CDH4: variants seen among roughly 807,000 people sequenced by gnomAD.
The protein encoded by CDH4 is cadherin-4.
A neutral mutation model predicts 86.0 loss-of-function variants in CDH4; 33 were observed. The observed-to-expected ratio is 0.38, with a 90% CI of 0.29 to 0.51. The LOEUF is 0.51. Ranked by LOEUF, CDH4 falls within the 20% of genes least tolerant of loss-of-function variation. The pLI, the probability that CDH4 is intolerant of heterozygous loss-of-function variation, is 0.86. For synonymous variants in CDH4, 555 were observed against 549.4 expected, an observed-to-expected ratio of 1.01 and a Z score of -0.14; for missense variants, 1,114 against 1,307.4, an observed-to-expected ratio of 0.85 and a Z score of 2.28.
chr20:61,445,289 C>G (rs932191239), intron 2 of CDH4, among the ~76,000 whole-genome samples: 4 of 152,128 alleles, frequency 2.6e-5, no homozygotes, highest in Non-Finnish European at 5.9e-5. Flanking sequence ...AGGCAGGGCC[C>G]CGGCCATCCC....
At chr20:61,603,518 G>GGCCAGGTGTGCCCT (rs2086619298) in intron 2 of CDH4, among the ~76,000 whole-genome samples, 1 of 152,208 alleles carries the variant, frequency 6.6e-6, no homozygotes, top group Non-Finnish European at 1.5e-5. Flanking sequence ...AGGCTGTGGA[G>GGCCAGGTGTGCCCT]GCCAGGTGTG....
At chr20:61,868,635 A>G (rs570219116) in intron 6 of CDH4, among the ~76,000 whole-genome samples, 1 of 152,016 alleles carries the variant, frequency 6.6e-6, no homozygotes, top group Admixed American at 6.6e-5. Flanking sequence ...GTGTCCCTCC[A>G]TGCTAAGCGG....
At chr20:61,463,506 A>T (rs2085456443) in intron 2 of CDH4, among the ~76,000 whole-genome samples, 1 of 152,206 alleles carries the variant, frequency 6.6e-6, no homozygotes, top group South Asian at 2.1e-4. Context: ...GGGAATCAGG[A>T]TCTGTCCACA....
chr20:61,492,325 TTGA>T (rs1433426677), intron 2 of CDH4, among the ~76,000 whole-genome samples: 6 of 151,816 alleles, frequency 4.0e-5, no homozygotes, highest in Admixed American at 1.3e-4. Context: ...GTTGATATTG[TTGA>T]TGTTTGTGAT....
intron 2 of CDH4, among the ~76,000 whole-genome samples, chr20:61,379,253 G>C (rs550173669): frequency 9.2e-5 from 14 of 152,252 alleles, no homozygotes; most frequent in African/African-American, 3.1e-4. Flanking sequence ...GAGGATGCAC[G>C]TGGTTTTGGA....
intron 11 of CDH4, among the ~76,000 whole-genome samples, 183 bp downstream of exon 11, chr20:61,924,659 C>T (rs1735422440): frequency 6.6e-6 from 1 of 151,990 alleles, no homozygotes; most frequent in African/African-American, 2.4e-5. Flanking sequence ...ATCTCAGGGC[C>T]CCCAGGCCAT....
At chr20:61,894,830 G>C in intron 7 of CDH4, 80 bp from the exon 8 acceptor site, 1 of 1,475,300 alleles carries the variant, frequency 6.8e-7, no homozygotes, top group Non-Finnish European at 9.2e-7. Context: ...TCCTGTAAAC[G>C]GATTTCTTTT....
intron 2 of CDH4, among the ~76,000 whole-genome samples, chr20:61,683,409 C>T (rs1390808932): frequency 4.6e-5 from 7 of 152,320 alleles, no homozygotes; most frequent in South Asian, 2.1e-4. Flanking sequence ...GTGAACGGCA[C>T]GGGTTGCTTT....
rs2084997042 is a variant in CDH4, at chr20:61,393,325, G to A, written c.169+138388G>A. 6.6e-6 allele frequency among the ~76,000 whole-genome samples: 1 copy of A among 151,678 alleles called. No homozygotes were observed. Among genetic ancestry groups the A allele is most frequent in the Non-Finnish European group, 1.5e-5 (1 of 67,964 alleles). ...AGGCCCAGCATCCGGTCTTCCAGTGGTGTGGGGGACAGCAGCCGGGGGGGG... is the reference window on the plus strand; with the variant it reads ...AGGCCCAGCATCCGGTCTTCCAGTGATGTGGGGGACAGCAGCCGGGGGGGG... On this transcript the variant is annotated intron_variant, in intron 2 of 15. Transcript: ENST00000614565. The surrounding 1 kb of genome is among the most constrained non-coding windows in gnomAD (Gnocchi z 4.3).
At chr20:61,656,450 G>A (rs577456615) in intron 2 of CDH4, among the ~76,000 whole-genome samples, 24 of 151,986 alleles carry the variant, frequency 1.6e-4, no homozygotes, top group African/African-American at 5.5e-4. Context: ...GGAAAGGTTT[G>A]TGATTGGGTG....
intron 2 of CDH4, among the ~76,000 whole-genome samples, chr20:61,587,407 C>T (rs2086486553): frequency 6.6e-6 from 1 of 152,196 alleles, no homozygotes; most frequent in African/African-American, 2.4e-5. Flanking sequence ...AGGGGCACAG[C>T]CTGCTGGATT....
chr20:61,882,506 G>A (rs989617807), intron 7 of CDH4, among the ~76,000 whole-genome samples: 14 of 152,268 alleles, frequency 9.2e-5, no homozygotes, highest in African/African-American at 9.6e-5. Context: ...CTCTGGTCAC[G>A]GGGCCTGCTT....
intron 2 of CDH4, among the ~76,000 whole-genome samples, chr20:61,524,760 G>A (rs1282166767): frequency 6.6e-6 from 1 of 152,106 alleles, no homozygotes; most frequent in Non-Finnish European, 1.5e-5. Context: ...TGGGATTACA[G>A]GTGTGAGCTA....
chr20:61,782,224 G>A (rs191946719), intron 4 of CDH4, among the ~76,000 whole-genome samples: 18 of 152,262 alleles, frequency 1.2e-4, no homozygotes, highest in Non-Finnish European at 2.1e-4. Context: ...TGGGACAATC[G>A]CTCGAACCTG....
intron 2 of CDH4, among the ~76,000 whole-genome samples, chr20:61,408,404 G>T (rs919593638): frequency 1.3e-5 from 2 of 152,114 alleles, no homozygotes; most frequent in African/African-American, 4.8e-5. Flanking sequence ...CTCTAGATCT[G>T]GACCTCAGAC....
chr20:61,519,925 G>T (rs911776163), intron 2 of CDH4, among the ~76,000 whole-genome samples: 1 of 152,246 alleles, frequency 6.6e-6, no homozygotes, highest in East Asian at 1.9e-4. Context: ...GGTGCCCGCC[G>T]ACTCTGCCCA....
rs369415715 is a variant in CDH4, at chr20:61,254,890, C to A, written c.122C>A (p.Thr41Lys). The change falls in exon 2 of 16, where the codon ACG becomes AAG. Residue 41 changes from threonine to lysine, a missense_variant. By Grantham distance (78) the Thr-to-Lys change is moderately conservative. Transcript: ENST00000614565. ...GCTGGGTTCTCTGAAGATGATTACACGGCATTAATCTCCCAAAATATTCTA... is the reference window on the plus strand; with the variant it reads ...GCTGGGTTCTCTGAAGATGATTACAAGGCATTAATCTCCCAAAATATTCTA... ...CKAGFSEDDY[T>K]ALISQNILEG... 3 of 1,613,122 alleles carry A rather than the reference C, an allele frequency of 1.9e-6. No homozygotes were observed.
chr20:61,561,988 G>T (rs1370847839), intron 2 of CDH4, among the ~76,000 whole-genome samples: 6 of 151,656 alleles, frequency 4.0e-5, no homozygotes, highest in Non-Finnish European at 7.4e-5. Flanking sequence ...GGACCTTCGT[G>T]TGGAGAGGTG....
chr20:61,348,057 G>A (rs761355442), intron 2 of CDH4, among the ~76,000 whole-genome samples: 3 of 152,136 alleles, frequency 2.0e-5, no homozygotes, highest in African/African-American at 7.2e-5. Flanking sequence ...GGTCTGTTTC[G>A]CCCCATAATG....
Sources: allele counts gnomAD v4.1 joint callset (sites outside exome capture counted in the v4.1 genomes callset), GRCh38; gene constraint gnomAD v4.1.1; non-coding constraint Gnocchi (gnomAD v3.1); transcripts MANE v1.5; gene names NCBI Gene and HGNC (gene_info 2026-07-23, HGNC 2026-07-21).